Variants in KCNK9 observed in about 807,000 individuals in gnomAD.
KCNK9 encodes the protein potassium two pore domain channel subfamily K member 9.
Under a neutral mutation model 10.8 loss-of-function variants are expected in KCNK9, and 1 was observed. The observed-to-expected ratio is 0.09, with a 90% CI of 0.03 to 0.44. The LOEUF is 0.44. Among genes scored for constraint, KCNK9 ranks in the 20% least tolerant of loss-of-function variants. The probability of loss-of-function intolerance (pLI) is 0.97; values close to 1 mark genes in which losing one functional copy is unlikely to be tolerated. For missense variants in KCNK9, 303 were observed against 515.0 expected (o/e 0.59, Z 3.98); for synonymous variants, 231 against 222.7 (o/e 1.04, Z -0.33).
intron 2 of KCNK9, among the ~76,000 whole-genome samples, chr8:139,607,232 T>A (rs964356128): frequency 6.6e-6 from 1 of 152,220 alleles, no homozygotes; most frequent in Non-Finnish European, 1.5e-5. Flanking sequence ...TTCCCATTCC[T>A]GCTCCCTGCT....
At chr8:139,625,052 T>C (rs1814924303) in intron 1 of KCNK9, among the ~76,000 whole-genome samples, 1 of 152,264 alleles carries the variant, frequency 6.6e-6, no homozygotes, top group African/African-American at 2.4e-5. Flanking sequence ...CCCCCTCACC[T>C]GGCCCCTCCC....
intron 1 of KCNK9, among the ~76,000 whole-genome samples, chr8:139,685,665 C>T (rs1042680010): frequency 3.9e-5 from 6 of 152,100 alleles, no homozygotes; most frequent in African/African-American, 1.2e-4. Flanking sequence ...GCTACATTTT[C>T]GTTATTTATT....
chr8:139,634,107 C>T lies in KCNK9; in HGVS notation c.284-15008G>A, dbSNP rs149696655. 2.9e-3 allele frequency among the ~76,000 whole-genome samples: 435 copies of T among 152,392 alleles called. 4 individuals carry two copies. The highest frequency in any genetic ancestry group is 9.7e-3 in the African/African-American group (405 of 41,604). On this transcript the variant is annotated intron_variant, in intron 1 of 1. Coordinates refer to ENST00000520439, the MANE Select transcript of KCNK9 (RefSeq NM_001282534.2). Reference sequence around the variant, plus strand: ...CATGTCCCTCAACCCAGGGCTGGGACAGCTTAGCACGGTGGACTCATGGGC... The same window carrying T: ...CATGTCCCTCAACCCAGGGCTGGGATAGCTTAGCACGGTGGACTCATGGGC...
intron 1 of KCNK9, among the ~76,000 whole-genome samples, chr8:139,648,078 T>A (rs1371831648): frequency 6.6e-6 from 1 of 152,154 alleles, no homozygotes; most frequent in Non-Finnish European, 1.5e-5. Context: ...TGCAATATCA[T>A]GTGATCATAA....
At chr8:139,611,125 G>A (rs185676476), downstream of KCNK9, among the ~76,000 whole-genome samples, 135 of 152,328 alleles carry the variant, frequency 8.9e-4, no homozygotes, top group African/African-American at 3.2e-3. Context: ...TGCCCCCAGA[G>A]TAACTTCCTC....
At chr8:139,650,650 A>C (rs1254291107) in intron 1 of KCNK9, among the ~76,000 whole-genome samples, 1 of 152,206 alleles carries the variant, frequency 6.6e-6, no homozygotes, top group Non-Finnish European at 1.5e-5. Flanking sequence ...ATGTGCAGGC[A>C]GTGGCTGGTA....
At chr8:139,631,803 CTG>C (rs1239663930) in intron 1 of KCNK9, among the ~76,000 whole-genome samples, 2 of 152,134 alleles carry the variant, frequency 1.3e-5, no homozygotes, top group East Asian at 3.8e-4. Context: ...CTAATACCCT[CTG>C]TAAGTAATAA....
At chr8:139,691,930 G>A (rs1331804288) in intron 1 of KCNK9, among the ~76,000 whole-genome samples, 1 of 152,188 alleles carries the variant, frequency 6.6e-6, no homozygotes, top group Non-Finnish European at 1.5e-5. Context: ...TGGCTGATGA[G>A]ATATAAGTAG....
intron 1 of KCNK9, among the ~76,000 whole-genome samples, chr8:139,626,369 C>T (rs1044257454): frequency 1.3e-5 from 2 of 152,200 alleles, no homozygotes; most frequent in Non-Finnish European, 2.9e-5. Context: ...ACCCCCATTC[C>T]TTCCACTTGG....
intron 1 of KCNK9, among the ~76,000 whole-genome samples, chr8:139,622,145 A>G (rs1814804702): frequency 9.2e-5 from 14 of 152,194 alleles, no homozygotes; most frequent in Admixed American, 9.2e-4. Flanking sequence ...TCACTGGTCC[A>G]CTGCATCGAG....
At chr8:139,644,198 T>G (rs1266395333) in intron 1 of KCNK9, among the ~76,000 whole-genome samples, 1 of 152,182 alleles carries the variant, frequency 6.6e-6, no homozygotes, top group African/African-American at 2.4e-5. Flanking sequence ...TGTCCGCAGC[T>G]TGTAGGAGGC....
exon 3 of KCNK9, chr8:139,601,507 T>C (rs1586614796): frequency 6.6e-6 from 1 of 152,120 alleles, no homozygotes; most frequent in Non-Finnish European, 1.5e-5. Context: ...CCACTGCTGG[T>C]TAAGAGATGC....
chr8:139,661,821 G>A (rs1032765452), intron 1 of KCNK9, among the ~76,000 whole-genome samples: 2 of 152,214 alleles, frequency 1.3e-5, no homozygotes, highest in Non-Finnish European at 2.9e-5. Flanking sequence ...CTGCAAAGGG[G>A]ACCATTTGAC....
intron 1 of KCNK9, among the ~76,000 whole-genome samples, chr8:139,628,762 T>C (rs1418319227): frequency 6.6e-6 from 1 of 152,228 alleles, no homozygotes; most frequent in East Asian, 1.9e-4. Flanking sequence ...ATATATAAAA[T>C]ATATTTCTAA....
At chr8:139,688,547 C>A (rs1816869637) in intron 1 of KCNK9, among the ~76,000 whole-genome samples, 1 of 152,200 alleles carries the variant, frequency 6.6e-6, no homozygotes, top group African/African-American at 2.4e-5. Flanking sequence ...CCTCCCTTGA[C>A]ACATGGGGAT....
intron 2 of KCNK9, among the ~76,000 whole-genome samples, chr8:139,603,608 A>G (rs981459403): frequency 6.6e-6 from 1 of 152,224 alleles, no homozygotes; most frequent in African/African-American, 2.4e-5. Flanking sequence ...AACAGGGTAT[A>G]CGGCCAGGAC....
In KCNK9 at chr8:139,645,193, G is replaced by C. The variant is rs572692969; in HGVS notation, c.284-26094C>G. Among the ~76,000 whole-genome samples, 335 of 152,328 alleles carry C rather than the reference G, an allele frequency of 2.2e-3. 1 individual carries two copies. Among genetic ancestry groups the C allele is most frequent in the African/African-American group, 7.8e-3 (326 of 41,576 alleles). On this transcript the variant is annotated intron_variant, in intron 1 of 1. Coordinates refer to ENST00000520439, the MANE Select transcript of KCNK9 (RefSeq NM_001282534.2). ...TGGAGCACTGGGAGGCATTCTCCAG[G>C]TGCTGTGGGCCCGAGGAAGACCCAG...
chr8:139,689,367 C>A (rs976428673), intron 1 of KCNK9, among the ~76,000 whole-genome samples: 31 of 152,152 alleles, frequency 2.0e-4, no homozygotes, highest in Non-Finnish European at 3.8e-4. Context: ...ACTTGGAAAC[C>A]AAAGCTATGC....
At chr8:139,627,132 T>G (rs1046480306) in intron 1 of KCNK9, among the ~76,000 whole-genome samples, 2 of 152,310 alleles carry the variant, frequency 1.3e-5, no homozygotes, top group East Asian at 1.9e-4. Context: ...CCTTAGATCC[T>G]CTAAGCGTTA....
Sources: gnomAD v4.1 joint callset for allele counts (sites outside exome capture counted in the v4.1 genomes callset) on GRCh38, gnomAD v4.1.1 for gene constraint, MANE v1.5 for transcripts, NCBI Gene and HGNC (gene_info 2026-07-23, HGNC 2026-07-21) for gene names.